Variants in MACROD2 observed in about 807,000 individuals in gnomAD.
MACROD2 encodes ADP-ribose glycohydrolase MACROD2.
In MACROD2, 36 loss-of-function variants were observed where a neutral mutation model predicts 70.4. The ratio of observed to expected loss-of-function variants is 0.51; its 90% CI spans 0.39 to 0.68. The LOEUF (loss-of-function observed/expected upper bound fraction) is 0.68, where lower values mean the gene tolerates loss of function less well. Among genes scored for constraint, MACROD2 ranks in the 30% least tolerant of loss-of-function variants. MACROD2 has a pLI of 0.00. For synonymous variants in MACROD2, 172 were observed against 178.8 expected (o/e 0.96, Z 0.30); for missense variants, 496 against 538.4 (o/e 0.92, Z 0.78).
intron 3 of MACROD2, among the ~76,000 whole-genome samples, chr20:14,143,262 C>T (rs2054900787): frequency 6.6e-6 from 1 of 152,100 alleles, no homozygotes; most frequent in African/African-American, 2.4e-5. Flanking sequence ...TCTCAGAAGC[C>T]TGGGCTGTTT....
At chr20:14,044,126 T>G (rs1056675603) in intron 2 of MACROD2, among the ~76,000 whole-genome samples, 1 of 152,034 alleles carries the variant, frequency 6.6e-6, no homozygotes, top group Admixed American at 6.5e-5. Flanking sequence ...GTTTGTTCCT[T>G]CTGATGTTCG....
chr20:15,961,539 T>C (rs1251751067), intron 12 of MACROD2, among the ~76,000 whole-genome samples: 3 of 152,208 alleles, frequency 2.0e-5, no homozygotes, highest in Non-Finnish European at 4.4e-5. Flanking sequence ...AGAGAAATTC[T>C]GTCTCCTGCC....
intron 3 of MACROD2, among the ~76,000 whole-genome samples, chr20:14,128,983 A>T (rs1394698262): frequency 6.6e-6 from 1 of 152,210 alleles, no homozygotes; most frequent in African/African-American, 2.4e-5. Context: ...ATTCTGATGA[A>T]GATGTACAAA....
At chr20:15,914,107 T>A (rs1363744335) in intron 10 of MACROD2, among the ~76,000 whole-genome samples, 2 of 152,238 alleles carry the variant, frequency 1.3e-5, no homozygotes. Context: ...CAGAATATGG[T>A]AGTTACAGTT....
chr20:15,399,479 T>C (rs2045901656), intron 6 of MACROD2, among the ~76,000 whole-genome samples: 1 of 152,200 alleles, frequency 6.6e-6, no homozygotes, highest in African/African-American at 2.4e-5. Context: ...TATTCTACTA[T>C]CCCTCCTGTT....
intron 3 of MACROD2, among the ~76,000 whole-genome samples, chr20:14,206,081 G>A (rs2081520530): frequency 6.6e-6 from 1 of 152,142 alleles, no homozygotes; most frequent in Non-Finnish European, 1.5e-5. Flanking sequence ...GTCCCCCTAG[G>A]GGATTTAGCA....
At chr20:15,419,062 T>C (rs6079809) in intron 6 of MACROD2, among the ~76,000 whole-genome samples, 28,177 of 152,012 alleles carry the variant, frequency 0.19, 2,955 homozygotes, top group Non-Finnish European at 0.25. Flanking sequence ...GGGATAAGGA[T>C]TTGGGGGAAA....
chr20:14,070,706 G>C (rs1202917339), intron 2 of MACROD2, among the ~76,000 whole-genome samples: 2 of 152,120 alleles, frequency 1.3e-5, no homozygotes, highest in African/African-American at 4.8e-5. Flanking sequence ...TTCACTGACA[G>C]CACGCCCCTT....
chr20:15,756,706 G>A (rs1278903049), intron 8 of MACROD2, among the ~76,000 whole-genome samples: 1 of 152,160 alleles, frequency 6.6e-6, no homozygotes, highest in Non-Finnish European at 1.5e-5. Context: ...TCTGAAGGGG[G>A]AAGGAAAAAC....
At chr20:15,769,304 C>T (rs112786547) in intron 8 of MACROD2, among the ~76,000 whole-genome samples, 7 of 152,216 alleles carry the variant, frequency 4.6e-5, no homozygotes, top group East Asian at 3.9e-4. Flanking sequence ...TGCGCCACCA[C>T]GCCCGGCTAA....
At chr20:15,545,664 C>G (rs942233213) in intron 8 of MACROD2, among the ~76,000 whole-genome samples, 2 of 152,152 alleles carry the variant, frequency 1.3e-5, no homozygotes, top group African/African-American at 2.4e-5. Flanking sequence ...GAGGTCAGTG[C>G]TTTGGACTCG....
At chr20:14,044,933 G>T (rs2053447235) in intron 2 of MACROD2, among the ~76,000 whole-genome samples, 1 of 152,240 alleles carries the variant, frequency 6.6e-6, no homozygotes, top group South Asian at 2.1e-4. Context: ...TGGAGGGGAG[G>T]CTCAGGCATG....
At chr20:15,009,708 C>T (rs2075066712) in intron 5 of MACROD2, among the ~76,000 whole-genome samples, 1 of 151,644 alleles carries the variant, frequency 6.6e-6, no homozygotes, top group Non-Finnish European at 1.5e-5. Flanking sequence ...AACTCCTTCC[C>T]AGCTAATTTT....
chr20:15,862,796 A>G lies in MACROD2; in HGVS notation c.697A>G (p.Lys233Glu), dbSNP rs375456861. Residue 233 changes from lysine (K) to glutamate (E), a missense_variant, in exon 9 of 18, where the codon AAA (lysine) becomes GAA (glutamate). By Grantham distance (56) the Lys-to-Glu change is moderately conservative. Coordinates refer to ENST00000684519, the MANE Select transcript of MACROD2 (RefSeq NM_001351661.2). ...VFLEVDFKIYKKKMNEFFSVD... is the reference protein window; with the variant it reads ...VFLEVDFKIYEKKMNEFFSVD... Reference sequence around the variant, plus strand: ...CTTAGAAGTTGACTTCAAAATCTACAAAAAGAAAATGAATGAGTTTTTCTC... The same window carrying G: ...CTTAGAAGTTGACTTCAAAATCTACGAAAAGAAAATGAATGAGTTTTTCTC... 8.1e-6 allele frequency: 13 copies of G among 1,612,870 alleles called. No individual in the cohort carries two copies. The highest frequency in any genetic ancestry group is 1.1e-5 in the Non-Finnish European group (13 of 1,179,502).
intron 5 of MACROD2, among the ~76,000 whole-genome samples, chr20:15,143,363 A>AT (rs1189750426): frequency 3.3e-5 from 5 of 151,606 alleles, no homozygotes; most frequent in Non-Finnish European, 5.9e-5. Context: ...GGGTTGTTTG[A>AT]TTTTTTTCTT....
intron 5 of MACROD2, among the ~76,000 whole-genome samples, chr20:14,697,206 A>G (rs2071136458): frequency 6.6e-6 from 1 of 152,186 alleles, no homozygotes; most frequent in Non-Finnish European, 1.5e-5. Flanking sequence ...GCTTTCCTCC[A>G]TATGTCCGGG....
At chr20:14,516,061 A>T (rs2085096619) in intron 4 of MACROD2, among the ~76,000 whole-genome samples, 1 of 148,578 alleles carries the variant, frequency 6.7e-6, no homozygotes, top group South Asian at 2.1e-4. Flanking sequence ...CTATAAAATC[A>T]TTATCTCTCA....
chr20:14,831,495 A>G (rs1222336032), intron 5 of MACROD2, among the ~76,000 whole-genome samples: 1 of 151,722 alleles, frequency 6.6e-6, no homozygotes, highest in Non-Finnish European at 1.5e-5. Flanking sequence ...AAGAGCAACA[A>G]CAGCCGGGTG....
At position 16,052,497 on chromosome 20, in the gene MACROD2, C is replaced by G. The variant is rs1307167516; in HGVS notation, c.*2621C>G. 6.6e-6 allele frequency: 1 copy of G among 152,440 alleles called. No homozygotes were observed. The highest frequency in any genetic ancestry group is 1.9e-4 in the East Asian group (1 of 5,194). 9.4% of individuals were successfully genotyped at this position (152,440 alleles called of 1,614,324 possible). The stretch of plus-strand genomic sequence containing the variant: ...TTAGTCATGTTTGCATACAGAGGAT[C>G]AAAGTAGGCCTTCACCATAATAGTT... On this transcript the variant is annotated 3_prime_UTR_variant, in exon 18 of 18. Coordinates refer to ENST00000684519, the MANE Select transcript of MACROD2 (RefSeq NM_001351661.2).
Sources: allele counts gnomAD v4.1 joint callset (sites outside exome capture counted in the v4.1 genomes callset), GRCh38; gene constraint gnomAD v4.1.1; transcripts MANE v1.5; gene names NCBI Gene and HGNC (gene_info 2026-07-23, HGNC 2026-07-21).